Variants in RAPGEF2 observed in about 807,000 individuals in gnomAD.
The protein encoded by RAPGEF2 is PDZ domain containing guanine nucleotide exchange factor (GEF) 1.
In RAPGEF2, 54 loss-of-function variants were observed where a neutral mutation model predicts 186.7. That is an observed-to-expected ratio of 0.29 (90% CI 0.23 to 0.36). The LOEUF is 0.36. Ranked by LOEUF, RAPGEF2 falls within the 10% of genes least tolerant of loss-of-function variation. The pLI is 1.00. For missense variants in RAPGEF2, 1,532 were observed against 2,045.0 expected (o/e 0.75, Z 4.84); for synonymous variants, 712 against 705.9 (o/e 1.01, Z -0.14).
intron 1 of RAPGEF2, among the ~76,000 whole-genome samples, chr4:159,140,562 G>A (rs1742203596): frequency 6.6e-6 from 1 of 152,110 alleles, no homozygotes. Context: ...ATTTGCCATG[G>A]GCTGCGAAAA....
intron 1 of RAPGEF2, among the ~76,000 whole-genome samples, chr4:159,186,185 G>A (rs1747536799): frequency 6.6e-6 from 1 of 151,496 alleles, no homozygotes; most frequent in Non-Finnish European, 1.5e-5. Context: ...TTCTATATAA[G>A]ATGTAATTTT....
intron 1 of RAPGEF2, among the ~76,000 whole-genome samples, chr4:159,183,743 A>C (rs1747262922): frequency 6.6e-6 from 1 of 152,138 alleles, no homozygotes; most frequent in Admixed American, 6.5e-5. Flanking sequence ...ATATGAACAA[A>C]GAATTTTTTT....
At chr4:159,156,713 C>T in intron 1 of RAPGEF2, among the ~76,000 whole-genome samples, 1 of 152,122 alleles carries the variant, frequency 6.6e-6, no homozygotes. Context: ...TTGTTCAATT[C>T]CCACCTATGA....
At chr4:159,270,274 T>A (rs1241564405) in intron 7 of RAPGEF2, among the ~76,000 whole-genome samples, 19 of 152,172 alleles carry the variant, frequency 1.2e-4, no homozygotes, top group Admixed American at 1.2e-3. Flanking sequence ...AAATTTTAAT[T>A]GTATGTGAGG....
chr4:159,273,810 C>G (rs913119957), intron 7 of RAPGEF2, among the ~76,000 whole-genome samples: 1 of 151,462 alleles, frequency 6.6e-6, no homozygotes, highest in African/African-American at 2.4e-5. Context: ...CTCTTTTTTT[C>G]GAGATGGAGT....
chr4:159,218,961 A>C (rs1174714397), intron 4 of RAPGEF2, among the ~76,000 whole-genome samples: 1 of 151,624 alleles, frequency 6.6e-6, no homozygotes, highest in Non-Finnish European at 1.5e-5. Flanking sequence ...CAGTTAATGA[A>C]AGTACTAGGT....
At chr4:159,244,564 C>A (rs2111487407) in intron 7 of RAPGEF2, among the ~76,000 whole-genome samples, 1 of 151,878 alleles carries the variant, frequency 6.6e-6, no homozygotes, top group East Asian at 1.9e-4. Context: ...AATTTTGAGT[C>A]AAGGAAGAAA....
At position 159,195,551 on chromosome 4, in the gene RAPGEF2, A is replaced by G. The variant is rs182904597; in HGVS notation, c.197+2295A>G. ...TTGTTATCATTATCCCAGCTGGACA[A>G]ACTGAAGCTTTGAGACGATAAAGAA... is the stretch of plus-strand genomic sequence containing the variant. On this transcript the variant is annotated intron_variant, in intron 3 of 29. Transcript: ENST00000691494. 7.9e-5 allele frequency among the ~76,000 whole-genome samples: 12 copies of G among 152,308 alleles called. No homozygotes were observed. In the East Asian group the frequency reaches 1.9e-3, roughly 24 times the overall value.
intron 8 of RAPGEF2, among the ~76,000 whole-genome samples, chr4:159,314,337 A>G (rs1005656817): frequency 6.6e-6 from 1 of 152,244 alleles, no homozygotes; most frequent in African/African-American, 2.4e-5. Flanking sequence ...TTCAAATGCC[A>G]TATGACAGCT....
rs771046394 is a variant in RAPGEF2 at position 159,353,799 on chromosome 4, T to C, written c.4404T>C (p.Tyr1468=). ...QIMFSDHSTK[Y]NRQNQSRESL... ...TGTTTTCTGATCATAGCACAAAGTA[T>C]AACAGGCAAAATCAAAGTAGAGAGA... The change falls in exon 28 of 30, where the codon TAT becomes TAC. Residue 1468 remains tyrosine (Y), a synonymous_variant. Transcript: ENST00000691494. This position sits in a 1 kb window ranked among gnomAD's most constrained non-coding sequence, Gnocchi z 4.3. The C allele has an allele frequency of 6.2e-7, 1 of 1,614,174 alleles. No individual in the cohort carries two copies. Among genetic ancestry groups the C allele is most frequent in the Admixed American group, 1.7e-5 (1 of 60,028 alleles).
chr4:159,252,379 A>C (rs1314680888), intron 7 of RAPGEF2, among the ~76,000 whole-genome samples: 1 of 152,244 alleles, frequency 6.6e-6, no homozygotes, highest in Non-Finnish European at 1.5e-5. Flanking sequence ...ACCTTTAAAA[A>C]AAATGTTTCA....
At chr4:159,307,210 T>C (rs1271910400) in intron 8 of RAPGEF2, among the ~76,000 whole-genome samples, 6 of 152,194 alleles carry the variant, frequency 3.9e-5, no homozygotes, top group Admixed American at 1.3e-4. Context: ...TGAAGGATCA[T>C]TGTTGTATTT....
At chr4:159,206,319 C>G (rs1488468884) in intron 3 of RAPGEF2, among the ~76,000 whole-genome samples, 2 of 152,100 alleles carry the variant, frequency 1.3e-5, no homozygotes, top group Non-Finnish European at 2.9e-5. Context: ...AAATGAAAAG[C>G]AGAATCGTTG....
At chr4:159,276,243 A>C (rs1378020406) in intron 7 of RAPGEF2, among the ~76,000 whole-genome samples, 1 of 152,144 alleles carries the variant, frequency 6.6e-6, no homozygotes, top group Admixed American at 6.6e-5. Context: ...AGTGATTGAG[A>C]ATGTGAAGGA....
At chr4:159,287,056 G>A (rs996108379) in intron 7 of RAPGEF2, among the ~76,000 whole-genome samples, 2 of 152,104 alleles carry the variant, frequency 1.3e-5, no homozygotes, top group Non-Finnish European at 2.9e-5. Flanking sequence ...GTACAAAAAT[G>A]CAGGTATAGG....
intron 7 of RAPGEF2, among the ~76,000 whole-genome samples, chr4:159,287,509 C>G (rs1247258610): frequency 6.6e-6 from 1 of 152,096 alleles, no homozygotes; most frequent in East Asian, 1.9e-4. Context: ...CGTAAAGCTA[C>G]TTGGATGTCT....
chr4:159,349,326 G>A (rs1258816102), intron 25 of RAPGEF2, among the ~76,000 whole-genome samples: 4 of 152,130 alleles, frequency 2.6e-5, no homozygotes, highest in African/African-American at 9.7e-5. Context: ...TCTCTTTGTT[G>A]TTCAAAATAA....
At position 159,162,346 on chromosome 4, in the gene RAPGEF2, A is replaced by G. The variant is rs369998539; in HGVS notation, c.70-24296A>G. 3.3e-5 allele frequency among the ~76,000 whole-genome samples: 5 copies of G among 151,114 alleles called. No homozygotes were observed. The South Asian group carries it at 8.4e-4, about 25-fold the overall frequency. ...AGGAGTTTGGGGGTTACAGTGAGCT[A>G]TGATAACACTGCACTCCAGCCTGGA... On this transcript the variant is annotated intron_variant, in intron 1 of 29. Transcript: ENST00000691494.
intron 11 of RAPGEF2, among the ~76,000 whole-genome samples, chr4:159,325,208 A>G (rs889133905): frequency 6.6e-6 from 1 of 152,190 alleles, no homozygotes; most frequent in Admixed American, 6.5e-5. Flanking sequence ...CTATGACTTC[A>G]GTGTTTTAAA....
Sources: allele counts gnomAD v4.1 joint callset (sites outside exome capture counted in the v4.1 genomes callset), GRCh38; gene constraint gnomAD v4.1.1; non-coding constraint Gnocchi (gnomAD v3.1); transcripts MANE v1.5; gene names NCBI Gene and HGNC (gene_info 2026-07-23, HGNC 2026-07-21).